The following ZGPAT variants were observed in gnomAD, a reference collection of about 807,000 sequenced individuals.
The protein encoded by ZGPAT is zinc finger CCCH-type and G-patch domain containing.
A neutral mutation model predicts 47.9 loss-of-function variants in ZGPAT; 39 were observed. The observed-to-expected ratio is 0.81, with a 90% CI of 0.63 to 1.06. ZGPAT has a LOEUF of 1.06. Among genes scored for constraint, ZGPAT ranks in the 50% least tolerant of loss-of-function variants. The probability of loss-of-function intolerance (pLI) is 0.00; values close to 1 mark genes in which losing one functional copy is unlikely to be tolerated. For synonymous variants in ZGPAT, 348 were observed against 292.9 expected (o/e 1.19, Z -1.92); for missense variants, 717 against 681.4 (o/e 1.05, Z -0.58).
chr20:63,715,805 A>G (rs2091721876), intron 2 of ZGPAT, among the ~76,000 whole-genome samples: 1 of 151,690 alleles, frequency 6.6e-6, no homozygotes, highest in African/African-American at 2.4e-5. Flanking sequence ...ATAGAATTCA[A>G]CAGTGAAGTG....
At chr20:63,728,712 G>A (rs112922002) in intron 2 of ZGPAT, among the ~76,000 whole-genome samples, 3,810 of 152,310 alleles carry the variant, frequency 0.025, 71 homozygotes, top group Middle Eastern at 0.054. Flanking sequence ...TTCTTTGTAA[G>A]TGTTTATCGA....
intron 6 of ZGPAT, 65 bp from the exon 7 acceptor site, chr20:63,735,716 G>C (rs1043735945): frequency 1.5e-5 from 24 of 1,551,136 alleles, no homozygotes; most frequent in Non-Finnish European, 1.7e-6. Flanking sequence ...CAGGCAGTGG[G>C]TACGGCAGAC....
chr20:63,718,094 C>T (rs1296553357), intron 2 of ZGPAT, among the ~76,000 whole-genome samples: 1 of 151,936 alleles, frequency 6.6e-6, no homozygotes, highest in Non-Finnish European at 1.5e-5. Flanking sequence ...ACTTTGTTGC[C>T]CAGGCTGGTC....
At position 63,735,988 on chromosome 20, in the gene ZGPAT, G is replaced by C; in HGVS notation, c.*69G>C. 6.4e-7 allele frequency: 1 copy of C among 1,556,774 alleles called. No individual in the cohort carries two copies. The highest frequency in any genetic ancestry group is 8.7e-7 in the Non-Finnish European group (1 of 1,148,526). On this transcript the variant is annotated 3_prime_UTR_variant, in exon 7 of 7. Transcript: ENST00000355969. ...GGCTGCCCTCAGGAAGACCAGTGTT[G>C]CCCGAGGAGGGGCCGGCCTGCTGGC... is the stretch of plus-strand genomic sequence containing the variant.
intron 2 of ZGPAT, among the ~76,000 whole-genome samples, chr20:63,732,399 C>A (rs568209337): frequency 4.9e-4 from 65 of 131,696 alleles, no homozygotes; most frequent in Non-Finnish European, 8.3e-4. Flanking sequence ...TGGGTGAGGG[C>A]CTGTGTGTGC....
intron 2 of ZGPAT, among the ~76,000 whole-genome samples, chr20:63,727,228 A>ATTTTT (rs11476997): frequency 1.4e-5 from 2 of 140,076 alleles, no homozygotes; most frequent in Non-Finnish European, 3.1e-5. Context: ...TTTCCATTTG[A>ATTTTT]TTTTTTTTTT....
Position 63,733,274 on chromosome 20 carries a change from G to C in ZGPAT, c.640G>C (p.Asp214His). 1 of 1,613,798 alleles carries C rather than the reference G, an allele frequency of 6.2e-7. No homozygotes were observed. The highest frequency in any genetic ancestry group is 8.5e-7 in the Non-Finnish European group (1 of 1,179,968). The change falls in exon 3 of 7, where the codon GAC becomes CAC. Residue 214 changes from aspartate to histidine, a missense_variant. Physicochemically the swap from Asp to His is moderately conservative, Grantham distance 81. Coordinates refer to ENST00000355969, the MANE Select transcript of ZGPAT (RefSeq NM_181485.3). ...LDELRPFQDP[D>H]LSSLQAGSAC... is the part of the protein sequence containing the mutation. ...TGAGCTGCGCCCCTTCCAGGACCCA[G>C]ACCTGAGCTCCCTGCAGGCCGGCTC...
chr20:63,722,448 G>T (rs2091798503), intron 2 of ZGPAT, among the ~76,000 whole-genome samples: 1 of 152,190 alleles, frequency 6.6e-6, no homozygotes, highest in Non-Finnish European at 1.5e-5. Context: ...CAGCAGAATA[G>T]TTGCTTTGCT....
intron 2 of ZGPAT, among the ~76,000 whole-genome samples, chr20:63,715,758 A>G (rs1014532555): frequency 2.6e-5 from 4 of 152,146 alleles, no homozygotes; most frequent in African/African-American, 9.7e-5. Context: ...GGGAAGAGGT[A>G]AAAAGGGATT....
chr20:63,709,151 A>C lies in ZGPAT; in HGVS notation c.571A>C (p.Lys191Gln). The C allele has an allele frequency of 6.2e-7, 1 of 1,610,624 alleles. No homozygotes were observed. The highest frequency in any genetic ancestry group is 1.3e-5 in the African/African-American group (1 of 75,030). ...PFFLEGKCRFKENCRFSHGQV... is the reference protein window; with the variant it reads ...PFFLEGKCRFQENCRFSHGQV... ...CTTCCTGGAGGGAAAGTGCCGCTTTAAGGAGAACTGCAGGTAAAGCCCTTT... is the reference window on the plus strand; with the variant it reads ...CTTCCTGGAGGGAAAGTGCCGCTTTCAGGAGAACTGCAGGTAAAGCCCTTT... Residue 191 changes from lysine to glutamine, a missense_variant, in exon 2 of 7, where the codon AAG (lysine) becomes CAG (glutamine). Physicochemically the swap from Lys to Gln is moderately conservative, Grantham distance 53. Coordinates refer to ENST00000355969, the MANE Select transcript of ZGPAT (RefSeq NM_181485.3).
chr20:63,735,156 C>G lies in ZGPAT; in HGVS notation c.992-3C>G. 2 of 1,508,190 alleles carry G rather than the reference C, an allele frequency of 1.3e-6. No homozygotes were observed. The highest frequency in any genetic ancestry group is 1.8e-6 in the Non-Finnish European group (2 of 1,129,056). The allele number at this position is 1,508,190 out of a possible 1,614,324, so 93.4% of individuals were successfully genotyped here. ...CAGCACTGCCATCCCCGTGCCTCCGCAGGTTTGGGCCGACACGCGGAAGGC... is the reference window on the plus strand; with the variant it reads ...CAGCACTGCCATCCCCGTGCCTCCGGAGGTTTGGGCCGACACGCGGAAGGC... On this transcript the variant is annotated splice_polypyrimidine_tract_variant and splice_region_variant and intron_variant, in intron 5 of 6. Transcript: ENST00000355969.
At chr20:63,711,571 C>CT (rs2091668385) in intron 2 of ZGPAT, among the ~76,000 whole-genome samples, 1 of 151,972 alleles carries the variant, frequency 6.6e-6, no homozygotes, top group Non-Finnish European at 1.5e-5. Flanking sequence ...CCATTCAGGA[C>CT]TGATAAGTTC....
chr20:63,733,495 T>C (rs1216894726), intron 3 of ZGPAT, 92 bp from the exon 4 acceptor site: 2 of 1,609,022 alleles, frequency 1.2e-6, no homozygotes, highest in East Asian at 4.5e-5. Context: ...ACCCTCAGCC[T>C]CTGCCCTGCC....
At chr20:63,732,217 ATGTTTGGGTGCGGGTGCATG>A (rs895773355) in intron 2 of ZGPAT, among the ~76,000 whole-genome samples, 1 of 134,918 alleles carries the variant, frequency 7.4e-6, no homozygotes, top group African/African-American at 2.7e-5. Flanking sequence ...CTGTGTGTGC[ATGTTTGGGTGCGGGTGCATG>A]TGTGCGTGCA....
chr20:63,733,897 T>C (rs1324698217), intron 4 of ZGPAT, 158 bp downstream of exon 4: 1 of 938,294 alleles, frequency 1.1e-6, no homozygotes, highest in Non-Finnish European at 1.5e-6. Context: ...TGGGTAGGGG[T>C]AGATCCGTGG....
chr20:63,722,322 G>A (rs543267364), intron 2 of ZGPAT, among the ~76,000 whole-genome samples: 3 of 152,288 alleles, frequency 2.0e-5, no homozygotes, highest in Admixed American at 2.0e-4. Flanking sequence ...CATCTGGTTC[G>A]TAGACACCAG....
intron 2 of ZGPAT, among the ~76,000 whole-genome samples, chr20:63,717,484 G>A (rs1423261497): frequency 3.3e-5 from 5 of 151,578 alleles, no homozygotes; most frequent in African/African-American, 1.2e-4. Context: ...GACGTTTCCC[G>A]GCCAAGGTGT....
intron 2 of ZGPAT, among the ~76,000 whole-genome samples, chr20:63,725,357 T>G (rs1036684931): frequency 6.6e-6 from 1 of 152,246 alleles, no homozygotes; most frequent in African/African-American, 2.4e-5. Flanking sequence ...TTCAGCTTCA[T>G]TTTTTGAAGG....
intron 2 of ZGPAT, among the ~76,000 whole-genome samples, chr20:63,732,080 CAT>C (rs1353398252): frequency 8.9e-5 from 13 of 146,638 alleles, no homozygotes; most frequent in South Asian, 6.7e-4. Flanking sequence ...ATATGCATGC[CAT>C]GTGTGTGCAT....
Sources: gnomAD v4.1 joint callset for allele counts (sites outside exome capture counted in the v4.1 genomes callset) on GRCh38, gnomAD v4.1.1 for gene constraint, MANE v1.5 for transcripts, NCBI Gene and HGNC (gene_info 2026-07-23, HGNC 2026-07-21) for gene names.